The following NAV2 variants were observed in gnomAD, a reference collection of about 807,000 sequenced individuals.
NAV2 encodes neuron navigator 2, also known as helicase, APC down-regulated 1.
Under a neutral mutation model 223.2 loss-of-function variants are expected in NAV2, and 54 were observed. The observed-to-expected ratio is 0.24, with a 90% CI of 0.19 to 0.30. The LOEUF is 0.30. Ranked by LOEUF, NAV2 falls within the 10% of genes least tolerant of loss-of-function variation. The pLI is 1.00. For missense variants in NAV2, 2,806 were observed against 3,147.5 expected, an observed-to-expected ratio of 0.89 and a Z score of 2.60; for synonymous variants, 1,279 against 1,239.3, an observed-to-expected ratio of 1.03 and a Z score of -0.67.
At position 20,106,175 on chromosome 11, in the gene NAV2, A is replaced by ATATGTGTGTGTGTGTGTG. The variant is rs11267537; in HGVS notation, c.6841+449_6841+450insATGTGTGTGTGTGTGTGT. On this transcript the variant is annotated intron_variant, in intron 35 of 37. Coordinates refer to ENST00000349880, the MANE Select transcript of NAV2 (RefSeq NM_145117.5). Reference sequence around the variant, plus strand: ...TGTGTGTATATATATATATATATATATGTGTGTGTATATATATATATATAT... The same window carrying ATATGTGTGTGTGTGTGTG: ...TGTGTGTATATATATATATATATATATATGTGTGTGTGTGTGTGTGTGTGTGTATATATATATATATAT... Among the ~76,000 whole-genome samples the ATATGTGTGTGTGTGTGTG allele has an allele frequency of 6.3e-3, 226 of 35,810 alleles. 34 individuals are homozygous for ATATGTGTGTGTGTGTGTG. The highest frequency in any genetic ancestry group is 0.011 in the South Asian group (9 of 816). 23.5% of individuals were successfully genotyped at this position (35,810 alleles called of 152,430 possible). A position where few individuals can be genotyped will look rare whatever the true frequency, so the allele number is the denominator to read the frequency against.
chr11:19,794,468 C>T (rs2057761431), intron 1 of NAV2, among the ~76,000 whole-genome samples: 1 of 152,322 alleles, frequency 6.6e-6, no homozygotes, highest in East Asian at 1.9e-4. Flanking sequence ...TCCCACCCTT[C>T]AAAAACTGTT....
At chr11:19,711,772 A>G (rs1470603866), upstream of NAV2, 2 of 152,236 alleles carry the variant, frequency 1.3e-5, no homozygotes, top group African/African-American at 2.4e-5. Flanking sequence ...GGTCTCTTAC[A>G]TTGCCAGGTA....
chr11:19,400,819 T>C (rs138661261), intron 1 of NAV2, among the ~76,000 whole-genome samples: 1 of 152,304 alleles, frequency 6.6e-6, no homozygotes, highest in East Asian at 1.9e-4. Context: ...TGGCTCCAAC[T>C]TGACCTTTTG....
chr11:19,456,312 C>T (rs1441321617), intron 1 of NAV2, among the ~76,000 whole-genome samples: 1 of 152,234 alleles, frequency 6.6e-6, no homozygotes, highest in Non-Finnish European at 1.5e-5. Context: ...ATGATAGATG[C>T]ACAGTCACTG....
intron 1 of NAV2, chr11:19,777,448 T>C: frequency 2.2e-6 from 1 of 452,832 alleles, no homozygotes. Context: ...TGCCCCTTCC[T>C]TCCTCGCCCT....
chr11:20,022,882 C>A, intron 11 of NAV2: 1 of 1,373,598 alleles, frequency 7.3e-7, no homozygotes, highest in African/African-American at 1.5e-5. Flanking sequence ...CCTGACCTCT[C>A]GATCCTTCAG....
chr11:19,945,343 TTCCCTTTCC>T, intron 8 of NAV2, among the ~76,000 whole-genome samples: 1 of 51,346 alleles, frequency 1.9e-5, no homozygotes, highest in African/African-American at 8.6e-5. Flanking sequence ...CTTTCTTTCC[TTCCCTTTCC>T]TTCCCTTCCC....
In NAV2 at chr11:19,892,526, G is replaced by A. The variant is rs142341675; in HGVS notation, c.863G>A (p.Ser288Asn). ...STTANNRRSQ[S>N]FNNYDKSKPV... ...ACTGCTAACAACCGACGCAGCCAGA[G>A]CTTTAACAACTATGATAAATCCAAA... Residue 288 changes from serine (S) to asparagine (N), a missense_variant, in exon 6 of 38, where the codon AGC becomes AAC. This residue lies in a region of NAV2 where 1,167 missense variants were observed against 1,180.5 expected (regional missense o/e 0.99). Coordinates refer to ENST00000349880, the MANE Select transcript of NAV2 (RefSeq NM_145117.5). 1.1e-3 allele frequency: 1,846 copies of A among 1,614,088 alleles called. 4 individuals are homozygous for A. Among genetic ancestry groups the A allele is most frequent in the Non-Finnish European group, 1.5e-3 (1,759 of 1,180,038 alleles).
chr11:19,971,529 C>A (rs188236921), intron 10 of NAV2, among the ~76,000 whole-genome samples: 256 of 152,260 alleles, frequency 1.7e-3, no homozygotes, highest in African/African-American at 5.8e-3. Flanking sequence ...ACCCCAGCCA[C>A]ACAGCCTTGT....
At chr11:19,797,043 A>G (rs1003457547) in intron 1 of NAV2, among the ~76,000 whole-genome samples, 2 of 152,074 alleles carry the variant, frequency 1.3e-5, no homozygotes, top group Non-Finnish European at 2.9e-5. Context: ...CTTTATCTCA[A>G]ATGGTATGAG....
intron 1 of NAV2, among the ~76,000 whole-genome samples, chr11:19,509,862 G>A (rs71488713): frequency 0.14 from 21,370 of 150,854 alleles, 1,604 homozygotes; most frequent in Admixed American, 0.2. Flanking sequence ...AAAGAAATAG[G>A]AAAAAAAAAA....
chr11:19,350,069 A>T (rs1024081), upstream of NAV2, among the ~76,000 whole-genome samples: 148,752 of 152,030 alleles, frequency 0.98, 72,846 homozygotes, highest in Middle Eastern at 1. Context: ...TCTTCATACT[A>T]TCGTGCCTTA....
rs1029763517 is a variant in NAV2 at position 20,001,459 on chromosome 11, A to G, written c.2768+17212A>G. On this transcript the variant is annotated intron_variant, in intron 11 of 37. Transcript: ENST00000349880. ...GTCGGTGCTCATTCAGCACTTACTG[A>G]AATGAACTCCAGTTTTAGATGGATG... is the stretch of plus-strand genomic sequence containing the variant. 4.6e-5 allele frequency among the ~76,000 whole-genome samples: 7 copies of G among 152,232 alleles called. No homozygotes were observed. In the East Asian group the frequency reaches 1.4e-3, roughly 29 times the overall value.
intron 1 of NAV2, among the ~76,000 whole-genome samples, chr11:19,399,497 A>G (rs1849597430): frequency 6.6e-6 from 1 of 152,164 alleles, no homozygotes; most frequent in South Asian, 2.1e-4. Flanking sequence ...GTGTAGGTGG[A>G]CAGGGGACAC....
At chr11:19,523,361 C>G (rs977191082) in intron 1 of NAV2, among the ~76,000 whole-genome samples, 13 of 149,630 alleles carry the variant, frequency 8.7e-5, no homozygotes, top group Admixed American at 2.6e-4. Context: ...GAGTCAGGAA[C>G]AGTGCATCCC....
chr11:19,398,549 C>T (rs1025710327), intron 1 of NAV2, among the ~76,000 whole-genome samples: 7 of 152,122 alleles, frequency 4.6e-5, no homozygotes, highest in East Asian at 1.9e-4. Flanking sequence ...GTATCAGCCC[C>T]GCTTACACTC....
In NAV2 at chr11:19,740,643, G is replaced by A. The variant is rs374002537; in HGVS notation, c.267+26681G>A. 1.1e-4 allele frequency among the ~76,000 whole-genome samples: 16 copies of A among 152,288 alleles called. No homozygotes were observed. In the East Asian group the frequency reaches 2.7e-3, roughly 26 times the overall value. Reference sequence around the variant, plus strand: ...GAGATTTACTGATATTTTGCAGAGGGGAAGAGTACAATGGGGGAATTGAAC... The same window carrying A: ...GAGATTTACTGATATTTTGCAGAGGAGAAGAGTACAATGGGGGAATTGAAC... On this transcript the variant is annotated intron_variant, in intron 1 of 37. Coordinates refer to ENST00000349880, the MANE Select transcript of NAV2 (RefSeq NM_145117.5).
intron 1 of NAV2, among the ~76,000 whole-genome samples, chr11:19,536,218 A>G (rs1216410133): frequency 6.6e-6 from 1 of 152,236 alleles, no homozygotes; most frequent in African/African-American, 2.4e-5. Flanking sequence ...GCCAAGCCTT[A>G]GTGAAGTAAA....
chr11:19,879,510 C>A (rs2063064328), intron 4 of NAV2, among the ~76,000 whole-genome samples: 1 of 152,152 alleles, frequency 6.6e-6, no homozygotes, highest in Non-Finnish European at 1.5e-5. Context: ...AAGCCAAGTG[C>A]ACTGTGAAGA....
Sources: gnomAD v4.1 joint callset for allele counts (sites outside exome capture counted in the v4.1 genomes callset) on GRCh38, gnomAD v4.1.1 for gene constraint, gnomAD v4.1.1 regional missense constraint, MANE v1.5 for transcripts, NCBI Gene and HGNC (gene_info 2026-07-23, HGNC 2026-07-21) for gene names.